Variants in ZNF728 observed in about 807,000 individuals in gnomAD.
The protein encoded by ZNF728 is zinc finger protein 728.
In ZNF728, 12 loss-of-function variants were observed where a neutral mutation model predicts 12.5. That is an observed-to-expected ratio of 0.96 (90% CI 0.61 to 1.55). The LOEUF (loss-of-function observed/expected upper bound fraction) is 1.55, where lower values mean the gene tolerates loss of function less well. Ranked by LOEUF, ZNF728 falls within the 40% of genes most tolerant of loss-of-function variation. ZNF728 has a pLI of 0.00. For missense variants in ZNF728, 692 were observed against 719.2 expected (o/e 0.96, Z 0.43); for synonymous variants, 205 against 240.7 (o/e 0.85, Z 1.37).
chr19:23,003,077 T>C lies in ZNF728; in HGVS notation c.-47A>G. ...GGCGACTTAGTTGTGAATCTCCCAA[T>C]ACCTGCAGGTCACAGGGCCATAGAA... On this transcript the variant is annotated 5_prime_UTR_variant, in exon 1 of 4. Coordinates refer to ENST00000594710, the MANE Select transcript of ZNF728 (RefSeq NM_001267716.2). 6.4e-7 allele frequency: 1 copy of C among 1,564,566 alleles called. No homozygotes were observed. Among genetic ancestry groups the C allele is most frequent in the Non-Finnish European group, 8.7e-7 (1 of 1,155,924 alleles).
chr19:22,988,493 T>C, intron 1 of ZNF728, 42 bp from the exon 2 acceptor site: 4 of 1,602,346 alleles, frequency 2.5e-6, no homozygotes, highest in Non-Finnish European at 2.6e-6. Context: ...CAAGTGGTCA[T>C]GGGCAGAATT....
At chr19:22,988,499 G>A (rs1461930147) in intron 1 of ZNF728, 48 bp from the exon 2 acceptor site, 1 of 1,598,934 alleles carries the variant, frequency 6.3e-7, no homozygotes, top group African/African-American at 1.4e-5. Context: ...GTCATGGGCA[G>A]AATTTTTAAT....
At chr19:22,996,622 T>A (rs912909115) in intron 1 of ZNF728, among the ~76,000 whole-genome samples, 5 of 149,638 alleles carry the variant, frequency 3.3e-5, no homozygotes, top group African/African-American at 1.0e-4. Context: ...GATAAAAAAA[T>A]ATAACCTTTT....
intron 3 of ZNF728, among the ~76,000 whole-genome samples, chr19:22,983,859 G>A (rs1211394030): frequency 6.6e-6 from 1 of 152,146 alleles, no homozygotes; most frequent in Non-Finnish European, 1.5e-5. Flanking sequence ...CTGTCGGGGA[G>A]TGGGAGGCTA....
In ZNF728 at chr19:22,976,177, T is replaced by C. The variant is rs1362770394; in HGVS notation, c.1160A>G (p.Lys387Arg). ...AGGTTTGTCTCCAGCATGAATTCTC[T>C]TGTGTTCAGTAAGGCTTGAGGGCCA... Reference protein sequence around the residue: ...FSWPSSLTEHKRIHAGDKPYK... With the variant: ...FSWPSSLTEHRRIHAGDKPYK... The change falls in exon 4 of 4, where the codon AAG (lysine) becomes AGG (arginine). Residue 387 changes from lysine (K) to arginine (R), a missense_variant. By Grantham distance (26) the Lys-to-Arg change is conservative. Around this residue, in one of 3 missense-constraint regions of ZNF728, gnomAD observed 440 missense variants for 459.6 expected, o/e 0.96. Coordinates refer to ENST00000594710, the MANE Select transcript of ZNF728 (RefSeq NM_001267716.2). 6 of 1,611,082 alleles carry C rather than the reference T, an allele frequency of 3.7e-6. No homozygotes were observed. The highest frequency in any genetic ancestry group is 2.2e-5 in the East Asian group (1 of 44,868).
At chr19:22,980,169 C>T (rs560875692) in intron 3 of ZNF728, among the ~76,000 whole-genome samples, 1 of 142,794 alleles carries the variant, frequency 7.0e-6, no homozygotes, top group South Asian at 2.2e-4. Context: ...GGAATAGTTA[C>T]CAAGCAAATG....
rs1346408238 is a variant in ZNF728, at chr19:22,996,102, CA to C, written c.3+6925del. Among the ~76,000 whole-genome samples the C allele has an allele frequency of 9.9e-5, 15 of 152,102 alleles. 1 individual carries two copies. Among genetic ancestry groups the C allele is most frequent in the Admixed American group, 5.2e-4 (8 of 15,276 alleles). On this transcript the variant is annotated intron_variant, in intron 1 of 3. Coordinates refer to ENST00000594710, the MANE Select transcript of ZNF728 (RefSeq NM_001267716.2). The stretch of plus-strand genomic sequence containing the variant: ...TTTAATGGTAAATTTTTTTGGATAT[CA>C]GATATAAATATATAAGTATGAATAA...
At chr19:22,993,463 T>C (rs190839239) in intron 1 of ZNF728, among the ~76,000 whole-genome samples, 1 of 152,356 alleles carries the variant, frequency 6.6e-6, no homozygotes, top group African/African-American at 2.4e-5. Flanking sequence ...AATAATATTT[T>C]ACCTTAAAAA....
intron 3 of ZNF728, among the ~76,000 whole-genome samples, chr19:22,980,304 AG>A: frequency 6.6e-6 from 1 of 152,286 alleles, no homozygotes; most frequent in Admixed American, 6.5e-5. Context: ...ATAATGGTAA[AG>A]GGGTCAATGC....
At position 22,974,985 on chromosome 19, in the gene ZNF728, C is replaced by T. The variant is rs1307538906; in HGVS notation, c.*483G>A. ...CCACATTGTTTATTCTAGTAGTTTT[C>T]TCCAGTATGAGATATCTTACCTACA... On this transcript the variant is annotated 3_prime_UTR_variant, in exon 4 of 4. Transcript: ENST00000594710. Among the ~76,000 whole-genome samples the T allele has an allele frequency of 6.6e-6, 1 of 152,156 alleles. No homozygotes were observed. Among genetic ancestry groups the T allele is most frequent in the Non-Finnish European group, 1.5e-5 (1 of 68,028 alleles).
At chr19:22,997,957 A>G (rs1171425914) in intron 1 of ZNF728, among the ~76,000 whole-genome samples, 1 of 152,194 alleles carries the variant, frequency 6.6e-6, no homozygotes, top group Non-Finnish European at 1.5e-5. Context: ...AGAAATGCAA[A>G]AGAAAAACCA....
intron 1 of ZNF728, among the ~76,000 whole-genome samples, chr19:22,992,700 T>A (rs1403712270): frequency 2.6e-5 from 4 of 152,194 alleles, no homozygotes; most frequent in Non-Finnish European, 5.9e-5. Flanking sequence ...CAACCAAAGA[T>A]ACTTCTTGTA....
At chr19:22,996,612 G>T (rs943690655) in intron 1 of ZNF728, among the ~76,000 whole-genome samples, 4 of 132,016 alleles carry the variant, frequency 3.0e-5, no homozygotes, top group African/African-American at 1.5e-4. Context: ...ACTAAAGAAA[G>T]ATAAAAAAAT....
chr19:22,988,453 T>C lies in ZNF728; in HGVS notation c.4-2A>G. The C allele has an allele frequency of 1.9e-6, 3 of 1,613,784 alleles. No homozygotes were observed. The highest frequency in any genetic ancestry group is 2.5e-6 in the Non-Finnish European group (3 of 1,179,880). On this transcript the variant is annotated splice_acceptor_variant, in intron 1 of 3. Transcript: ENST00000594710. LOFTEE classifies it high-confidence loss of function. Reference sequence around the variant, plus strand: ...CACATCCCGAAATGTCAACGATCCCTGGAAAACACACACAAACACACATAT... The same window carrying C: ...CACATCCCGAAATGTCAACGATCCCCGGAAAACACACACAAACACACATAT...
intron 3 of ZNF728, among the ~76,000 whole-genome samples, chr19:22,982,862 A>C (rs1968875301): frequency 6.6e-6 from 1 of 152,224 alleles, no homozygotes; most frequent in Non-Finnish European, 1.5e-5. Context: ...AAATTAACTC[A>C]AGATGGATTA....
At chr19:22,998,322 C>A (rs576381596) in intron 1 of ZNF728, among the ~76,000 whole-genome samples, 15 of 150,768 alleles carry the variant, frequency 9.9e-5, no homozygotes, top group African/African-American at 3.7e-4. Flanking sequence ...GAGTTTGAGA[C>A]CGGCATGGAC....
chr19:22,984,577 T>TACACACACACAC lies in ZNF728; in HGVS notation c.226+2719_226+2730dup, dbSNP rs57794293. Among the ~76,000 whole-genome samples the TACACACACACAC allele has an allele frequency of 2.3e-3, 249 of 109,222 alleles. 2 individuals carry two copies. The highest frequency in any genetic ancestry group is 7.9e-3 in the African/African-American group (241 of 30,392). The allele number at this position is 109,222 out of a possible 152,430, so 71.7% of individuals were successfully genotyped here. The stretch of plus-strand genomic sequence containing the variant: ...CATCTCAAAAAAAAAAAAAAAAAAA[T>TACACACACACAC]ACACACACACACACACACACACACA... On this transcript the variant is annotated intron_variant, in intron 3 of 3. Transcript: ENST00000594710.
At chr19:23,001,276 C>G (rs1969111294) in intron 1 of ZNF728, among the ~76,000 whole-genome samples, 1 of 152,210 alleles carries the variant, frequency 6.6e-6, no homozygotes, top group African/African-American at 2.4e-5. Context: ...AGCAATGTGT[C>G]TCCAAGAAAT....
At chr19:22,993,405 G>A (rs866071093) in intron 1 of ZNF728, among the ~76,000 whole-genome samples, 5 of 152,180 alleles carry the variant, frequency 3.3e-5, no homozygotes, top group Admixed American at 6.5e-5. Flanking sequence ...CAAGTAGAGT[G>A]AAATCAAAGG....
Sources: allele counts gnomAD v4.1 joint callset (sites outside exome capture counted in the v4.1 genomes callset), GRCh38; gene constraint gnomAD v4.1.1; regional missense constraint gnomAD v4.1.1; transcripts MANE v1.5; gene names NCBI Gene and HGNC (gene_info 2026-07-23, HGNC 2026-07-21).